DNAAF9: variants seen among roughly 807,000 people sequenced by gnomAD.
DNAAF9 encodes dynein axonemal assembly factor 9, also known as shulin.
In DNAAF9, 90 loss-of-function variants were observed where a neutral mutation model predicts 167.0. The observed-to-expected ratio is 0.54, with a 90% confidence interval of 0.45 to 0.64. The LOEUF (loss-of-function observed/expected upper bound fraction) is 0.64. Ranked by LOEUF, DNAAF9 falls within the 30% of genes least tolerant of loss-of-function variation. The pLI is 0.00. For missense variants in DNAAF9, 1,315 were observed against 1,442.2 expected (o/e 0.91, Z 1.43); for synonymous variants, 491 against 508.8 (o/e 0.96, Z 0.47).
intron 8 of DNAAF9, 71 bp downstream of exon 8, chr20:3,348,454 T>A (rs1021404303): frequency 1.4e-5 from 12 of 844,206 alleles, no homozygotes; most frequent in South Asian, 6.3e-5. Context: ...TTGAAAAAAA[T>A]TTAATAAAAA....
intron 21 of DNAAF9, among the ~76,000 whole-genome samples, chr20:3,303,196 C>T (rs1379939404): frequency 1.3e-5 from 2 of 150,906 alleles, no homozygotes; most frequent in Admixed American, 1.3e-4. Context: ...GAGTCGAGAT[C>T]GCACCACTGC....
At chr20:3,393,504 C>A (rs1448705503) in intron 1 of DNAAF9, among the ~76,000 whole-genome samples, 1 of 152,098 alleles carries the variant, frequency 6.6e-6, no homozygotes, top group Admixed American at 6.5e-5. Context: ...AGAATGACAT[C>A]TTGTGTCAAA....
chr20:3,259,622 T>C (rs2068345285), intron 32 of DNAAF9, 68 bp from the exon 33 acceptor site: 1 of 1,147,094 alleles, frequency 8.7e-7, no homozygotes. Context: ...ACAGCACAGC[T>C]GGGAGTTTTA....
At chr20:3,322,081 G>C (rs750529935) in intron 16 of DNAAF9, 136 bp downstream of exon 16, 9 of 670,290 alleles carry the variant, frequency 1.3e-5, no homozygotes, top group Admixed American at 2.3e-5. Context: ...GCTATGGCTG[G>C]GATAGGACTG....
chr20:3,350,148 G>GACACAGACACACACACACAC (rs2070289644), intron 7 of DNAAF9, among the ~76,000 whole-genome samples: 1 of 68,936 alleles, frequency 1.5e-5, no homozygotes, highest in Non-Finnish European at 3.3e-5. Context: ...CAGACACACA[G>GACACAGACACACACACACAC]ACACACAGAC....
chr20:3,270,355 ACT>A (rs143153117), intron 30 of DNAAF9, 70 bp downstream of exon 30: 14,198 of 1,414,028 alleles, frequency 0.01, 109 homozygotes, highest in East Asian at 0.016. Flanking sequence ...CAGTAGAAAG[ACT>A]CTGTGGGCCA....
chr20:3,348,605 G>A lies in DNAAF9; in HGVS notation c.709C>T (p.His237Tyr). Residue 237 changes from histidine to tyrosine, a missense_variant, in exon 8 of 37, where the codon CAT becomes TAT. Transcript: ENST00000252032. ...LLSDDLVAFE[H>Y]QWTSFFANFD... ...TTAGCGAAGAAGCTAGTCCACTGAT[G>A]TTCAAAAGCCACCAAATCCTGGGAA... 1 of 1,598,838 alleles carries A rather than the reference G, an allele frequency of 6.3e-7. No individual in the cohort carries two copies. The highest frequency in any genetic ancestry group is 8.5e-7 in the Non-Finnish European group (1 of 1,171,596).
At chr20:3,254,944 G>T (rs1470558037) in intron 35 of DNAAF9, among the ~76,000 whole-genome samples, 4 of 152,198 alleles carry the variant, frequency 2.6e-5, no homozygotes, top group Admixed American at 1.3e-4. Context: ...CTTGAACAAG[G>T]TGCCAAGGCA....
chr20:3,336,261 T>TTTG (rs1555793459), intron 10 of DNAAF9, among the ~76,000 whole-genome samples: 69 of 142,130 alleles, frequency 4.9e-4, no homozygotes, highest in African/African-American at 1.4e-3. Context: ...CGTTTTTGTT[T>TTTG]TTTTTTTTTT....
rs1460858926 is a variant in DNAAF9 at position 3,252,641 on chromosome 20, C to G, written c.3465G>C (p.Arg1155=). 6.2e-7 allele frequency: 1 copy of G among 1,613,064 alleles called. No individual in the cohort carries two copies. ...GCTCCTGGTTATACTTCTCAATTTC[C>G]CGGTTGGCTTCTTCCACGTAGTCAT... ...FMNDYVEEAN[R]EIEKYNQELE... The change falls in exon 37 of 37, where the codon CGG becomes CGC. Residue 1155 remains arginine, a synonymous_variant. Transcript: ENST00000252032.
intron 21 of DNAAF9, 26 bp from the exon 22 acceptor site, chr20:3,298,201 G>A (rs775568211): frequency 3.1e-6 from 5 of 1,599,652 alleles, no homozygotes; most frequent in Non-Finnish European, 4.3e-6. Flanking sequence ...GGGAGCATCA[G>A]CAAGAAGAGC....
chr20:3,393,098 A>G (rs551018051), intron 1 of DNAAF9, among the ~76,000 whole-genome samples: 5 of 152,276 alleles, frequency 3.3e-5, no homozygotes, highest in African/African-American at 1.2e-4. Context: ...CATAGAACCA[A>G]ATCTCATTTT....
At chr20:3,358,702 G>A (rs888743713) in intron 7 of DNAAF9, among the ~76,000 whole-genome samples, 1 of 152,058 alleles carries the variant, frequency 6.6e-6, no homozygotes, top group Non-Finnish European at 1.5e-5. Flanking sequence ...CCCACTCAAA[G>A]GGCCTAAAAC....
intron 29 of DNAAF9, among the ~76,000 whole-genome samples, chr20:3,278,331 G>A (rs564150488): frequency 6.6e-6 from 1 of 152,260 alleles, no homozygotes; most frequent in Admixed American, 6.5e-5. Flanking sequence ...CCAGAGGCTA[G>A]GAATACCTAC....
chr20:3,294,588 G>C lies in DNAAF9; in HGVS notation c.2060C>G (p.Pro687Arg), dbSNP rs1208166320. 76 of 1,613,700 alleles carry C rather than the reference G, an allele frequency of 4.7e-5. No individual in the cohort carries two copies. The highest frequency in any genetic ancestry group is 6.4e-5 in the Non-Finnish European group (76 of 1,179,734). The change falls in exon 24 of 37, where the codon CCT becomes CGT. Residue 687 changes from proline to arginine, a missense_variant. Physicochemically the swap from Pro to Arg is moderately radical, Grantham distance 103 (BLOSUM62 -2). This residue lies in a region of DNAAF9 where 981 missense variants were observed against 1,012.5 expected (regional missense o/e 0.97). Coordinates refer to ENST00000252032, the MANE Select transcript of DNAAF9 (RefSeq NM_001009984.3). ...TAGGGAACTCCGTTTCTCCCCAGCAGGCTGGCTCAGGGCACTGAAGAGCTT... is the reference window on the plus strand; with the variant it reads ...TAGGGAACTCCGTTTCTCCCCAGCACGCTGGCTCAGGGCACTGAAGAGCTT... Reference protein sequence around the residue: ...AQKLFSALSQPAGEKRSSLKL... With the variant: ...AQKLFSALSQRAGEKRSSLKL...
chr20:3,274,718 C>T (rs538606705), intron 29 of DNAAF9, among the ~76,000 whole-genome samples: 11 of 152,158 alleles, frequency 7.2e-5, no homozygotes, highest in Non-Finnish European at 1.3e-4. Context: ...CTATCATTTC[C>T]ACCACTACCA....
intron 6 of DNAAF9, among the ~76,000 whole-genome samples, chr20:3,368,872 C>T (rs980802841): frequency 6.6e-5 from 3 of 45,218 alleles, no homozygotes; most frequent in Admixed American, 2.9e-4. Context: ...AGGTGGCTCA[C>T]GCCTGTAATC....
intron 1 of DNAAF9, among the ~76,000 whole-genome samples, chr20:3,395,533 G>A (rs1490504724): frequency 6.6e-6 from 1 of 152,196 alleles, no homozygotes; most frequent in East Asian, 1.9e-4. Flanking sequence ...CACCGCCTTG[G>A]CCTCCTAAAG....
At chr20:3,313,822 G>A (rs916676581) in intron 20 of DNAAF9, among the ~76,000 whole-genome samples, 5 of 152,130 alleles carry the variant, frequency 3.3e-5, no homozygotes, top group Admixed American at 6.6e-5. Context: ...GGATGACAGC[G>A]GTGTAGCTAT....
Sources: gnomAD v4.1 joint callset for allele counts (sites outside exome capture counted in the v4.1 genomes callset) on GRCh38, gnomAD v4.1.1 for gene constraint, gnomAD v4.1.1 regional missense constraint, MANE v1.5 for transcripts, NCBI Gene and HGNC (gene_info 2026-07-23, HGNC 2026-07-21) for gene names.